LHFPL5: variants seen among roughly 807,000 people sequenced by gnomAD.
LHFPL5 encodes the protein LHFPL tetraspan subfamily member 5 protein.
In LHFPL5, 12 loss-of-function variants were observed where a neutral mutation model predicts 18.7. The ratio of observed to expected loss-of-function variants is 0.64; its 90% CI spans 0.41 to 1.04. The LOEUF (loss-of-function observed/expected upper bound fraction) is 1.04. Among genes scored for constraint, LHFPL5 ranks in the 50% least tolerant of loss-of-function variants. LHFPL5 has a pLI of 0.00. For missense variants in LHFPL5, 259 were observed against 292.1 expected (o/e 0.89, Z 0.83); for synonymous variants, 111 against 120.2 (o/e 0.92, Z 0.50).
intron 3 of LHFPL5, among the ~76,000 whole-genome samples, chr6:35,821,481 G>GTGTGTGTGTGTGTA (rs1554147694): frequency 0.017 from 2,518 of 147,044 alleles, 42 homozygotes; most frequent in African/African-American, 0.049. Context: ...GTGTGTGTGT[G>GTGTGTGTGTGTGTA]TGTGTGTGTG....
At chr6:35,816,684 C>T (rs1412788469) in intron 2 of LHFPL5, among the ~76,000 whole-genome samples, 1 of 151,746 alleles carries the variant, frequency 6.6e-6, no homozygotes, top group Non-Finnish European at 1.5e-5. Context: ...TGGTGGTGTG[C>T]CCCTGTAATC....
chr6:35,808,109 G>A (rs535556416), intron 1 of LHFPL5, among the ~76,000 whole-genome samples: 4 of 151,920 alleles, frequency 2.6e-5, no homozygotes, highest in South Asian at 2.1e-4. Context: ...GAGAGAGGCC[G>A]GGGCAGGGGT....
At chr6:35,808,994 G>C (rs1434463499) in intron 1 of LHFPL5, among the ~76,000 whole-genome samples, 1 of 152,176 alleles carries the variant, frequency 6.6e-6, no homozygotes, top group Non-Finnish European at 1.5e-5. Flanking sequence ...GAGATGCAGA[G>C]TGGGCGGGTC....
chr6:35,816,629 T>C (rs1172593374), intron 2 of LHFPL5, among the ~76,000 whole-genome samples: 1 of 151,914 alleles, frequency 6.6e-6, no homozygotes, highest in East Asian at 1.9e-4. Context: ...CTGGCCAACA[T>C]GGCACAACCC....
intron 3 of LHFPL5, chr6:35,819,825 G>A (rs1184073951): frequency 1.6e-5 from 5 of 308,246 alleles, no homozygotes; most frequent in Non-Finnish European, 2.5e-5. Context: ...TTACAGGTGC[G>A]TGCCACCATG....
intron 1 of LHFPL5, among the ~76,000 whole-genome samples, chr6:35,807,280 T>A (rs371259453): frequency 1.5e-5 from 2 of 137,736 alleles, no homozygotes; most frequent in East Asian, 2.2e-4. Context: ...ATAATAATAA[T>A]AAATAAAATA....
At chr6:35,806,705 T>C (rs1327496277) in intron 1 of LHFPL5, among the ~76,000 whole-genome samples, 1 of 152,216 alleles carries the variant, frequency 6.6e-6, no homozygotes, top group Non-Finnish European at 1.5e-5. Context: ...TAAATTCCCC[T>C]CTTTCATTGT....
At chr6:35,821,244 C>G (rs905396253) in intron 3 of LHFPL5, among the ~76,000 whole-genome samples, 1 of 150,970 alleles carries the variant, frequency 6.6e-6, no homozygotes, top group Non-Finnish European at 1.5e-5. Flanking sequence ...GCGGCGGTTG[C>G]CATGAACTGA....
chr6:35,807,458 G>T (rs928878614), intron 1 of LHFPL5, among the ~76,000 whole-genome samples: 2 of 152,020 alleles, frequency 1.3e-5, no homozygotes, highest in Non-Finnish European at 2.9e-5. Flanking sequence ...GCAGCCTCTG[G>T]TACCTTGGTC....
chr6:35,822,206 A>G (rs1307832837), intron 3 of LHFPL5, among the ~76,000 whole-genome samples: 1 of 151,718 alleles, frequency 6.6e-6, no homozygotes, highest in African/African-American at 2.4e-5. Context: ...CATTTTTTAA[A>G]CCAGACCTTG....
In LHFPL5 at chr6:35,824,052, A is replaced by G. The variant is rs1371878147; in HGVS notation, c.*1087A>G. 1 of 152,194 alleles carries G rather than the reference A, an allele frequency of 6.6e-6. No homozygotes were observed. Among genetic ancestry groups the G allele is most frequent in the Non-Finnish European group, 1.5e-5 (1 of 68,028 alleles). The allele number at this position is 152,194 out of a possible 1,614,324, so 9.4% of individuals were successfully genotyped here. A position where few individuals can be genotyped will look rare whatever the true frequency, so the allele number is the denominator to read the frequency against. On this transcript the variant is annotated 3_prime_UTR_variant, in exon 4 of 4. Transcript: ENST00000360215. ...CTAGATTACTTATAATACCTAATACAATGTAAATGCTATGTAAATACTCGT... is the reference window on the plus strand; with the variant it reads ...CTAGATTACTTATAATACCTAATACGATGTAAATGCTATGTAAATACTCGT...
At chr6:35,822,181 G>A (rs901831819) in intron 3 of LHFPL5, among the ~76,000 whole-genome samples, 3 of 151,782 alleles carry the variant, frequency 2.0e-5, no homozygotes, top group Non-Finnish European at 4.4e-5. Context: ...GAGCCACTGC[G>A]CCTGCCTGGT....
At chr6:35,822,180 C>T (rs537939790) in intron 3 of LHFPL5, among the ~76,000 whole-genome samples, 93 of 152,046 alleles carry the variant, frequency 6.1e-4, no homozygotes, top group African/African-American at 2.1e-3. Context: ...TGAGCCACTG[C>T]GCCTGCCTGG....
At position 35,814,945 on chromosome 6, in the gene LHFPL5, G is replaced by A. The variant is rs976811629; in HGVS notation, c.649+163G>A. Reference sequence around the variant, plus strand: ...GTCCTCCCTGAAATCAAAGGCCAGTGGAGGGTTGCAAGCTAGCAGGTGATA... The same window carrying A: ...GTCCTCCCTGAAATCAAAGGCCAGTAGAGGGTTGCAAGCTAGCAGGTGATA... On this transcript the variant is annotated intron_variant, in intron 2 of 3. Transcript: ENST00000360215. This position sits in a 1 kb window ranked among gnomAD's most constrained non-coding sequence, Gnocchi z 4.2. Among the ~76,000 whole-genome samples, 2 of 152,044 alleles carry A rather than the reference G, an allele frequency of 1.3e-5. No homozygotes were observed. Among genetic ancestry groups the A allele is most frequent in the African/African-American group, 4.8e-5 (2 of 41,384 alleles).
intron 3 of LHFPL5, among the ~76,000 whole-genome samples, chr6:35,820,717 A>AAATAAATG (rs1768849437): frequency 6.6e-6 from 1 of 151,174 alleles, no homozygotes; most frequent in Admixed American, 6.6e-5. Context: ...ATAAATAAAT[A>AAATAAATG]AATAAAATAG....
chr6:35,812,261 C>A (rs990610725), intron 1 of LHFPL5, among the ~76,000 whole-genome samples: 4 of 152,198 alleles, frequency 2.6e-5, no homozygotes, highest in Admixed American at 6.5e-5. Context: ...TCCTGACCTT[C>A]TTTGTAGAAC....
At chr6:35,809,373 A>T (rs1310840001) in intron 1 of LHFPL5, among the ~76,000 whole-genome samples, 2 of 152,164 alleles carry the variant, frequency 1.3e-5, no homozygotes, top group Admixed American at 1.3e-4. Context: ...CCGGCATGGC[A>T]TTAGCACGAG....
At chr6:35,819,844 A>AT (rs1416866596) in intron 3 of LHFPL5, 4 of 279,980 alleles carry the variant, frequency 1.4e-5, no homozygotes, top group Admixed American at 1.4e-4. Flanking sequence ...TGCCTGGCTA[A>AT]TTTTTTGTAT....
chr6:35,810,997 C>T (rs1415511554), intron 1 of LHFPL5, among the ~76,000 whole-genome samples: 6 of 152,220 alleles, frequency 3.9e-5, no homozygotes, highest in Non-Finnish European at 7.4e-5. Flanking sequence ...GTGGGGGCTC[C>T]GCTCTCACTG....
Sources: allele counts gnomAD v4.1 joint callset (sites outside exome capture counted in the v4.1 genomes callset), GRCh38; gene constraint gnomAD v4.1.1; non-coding constraint Gnocchi (gnomAD v3.1); transcripts MANE v1.5; gene names NCBI Gene and HGNC (gene_info 2026-07-23, HGNC 2026-07-21).